The following ADCY9 variants were observed in gnomAD, a reference collection of about 807,000 sequenced individuals.
ADCY9 encodes adenylate cyclase type 9.
In ADCY9, 50 loss-of-function variants were observed where a neutral mutation model predicts 101.5. The observed-to-expected ratio is 0.49, with a 90% CI of 0.39 to 0.62. ADCY9 has a LOEUF of 0.62. ADCY9 is among the 20% of genes least tolerant of loss of function. The pLI is 0.00. For missense variants in ADCY9, 1,662 were observed against 1,800.4 expected (o/e 0.92, Z 1.39); for synonymous variants, 905 against 769.3 (o/e 1.18, Z -2.92).
intron 2 of ADCY9, among the ~76,000 whole-genome samples, chr16:4,038,196 G>A (rs991918988): frequency 1.3e-5 from 2 of 151,628 alleles, no homozygotes; most frequent in African/African-American, 4.9e-5. Flanking sequence ...TGGGGGGATC[G>A]CCTGAGCCCA....
chr16:4,021,968 T>C (rs1427384205), intron 2 of ADCY9, among the ~76,000 whole-genome samples: 2 of 152,192 alleles, frequency 1.3e-5, no homozygotes, highest in Admixed American at 6.5e-5. Context: ...ATTTGCAATG[T>C]CCTCTTTTCC....
chr16:4,071,644 G>A (rs1247422986), intron 2 of ADCY9, among the ~76,000 whole-genome samples: 1 of 152,152 alleles, frequency 6.6e-6, no homozygotes, highest in Non-Finnish European at 1.5e-5. Context: ...ACCATTGTTT[G>A]TGAGTTTTTA....
chr16:3,978,980 G>C, intron 8 of ADCY9, 136 bp downstream of exon 8: 1 of 1,111,826 alleles, frequency 9.0e-7, no homozygotes, highest in Admixed American at 2.1e-5. Context: ...CTCCCACAGT[G>C]CTGGGATTAC....
chr16:4,020,813 G>C (rs527309985), intron 2 of ADCY9, among the ~76,000 whole-genome samples: 4 of 123,754 alleles, frequency 3.2e-5, no homozygotes, highest in Non-Finnish European at 5.1e-5. Context: ...GCGACAGAGC[G>C]AGACTCCGTC....
At chr16:3,993,092 CAT>C (rs2056258904) in intron 4 of ADCY9, among the ~76,000 whole-genome samples, 1 of 152,140 alleles carries the variant, frequency 6.6e-6, no homozygotes, top group Non-Finnish European at 1.5e-5. Context: ...TATATTCTCT[CAT>C]AAACTGAGTC....
At position 3,969,614 on chromosome 16, in the gene ADCY9, T is replaced by TACGTA. The variant is rs1567414929; in HGVS notation, c.2871-2649_2871-2648insTACGT. 4.1e-3 allele frequency among the ~76,000 whole-genome samples: 208 copies of TACGTA among 50,700 alleles called. 12 individuals carry two copies. The highest frequency in any genetic ancestry group is 0.012 in the African/African-American group (156 of 12,596). The allele number at this position is 50,700 out of a possible 152,430, so 33.3% of individuals were successfully genotyped here. A position where few individuals can be genotyped will look rare whatever the true frequency, so the allele number is the denominator to read the frequency against. ...TATATATATATATATATATATGTAT[T>TACGTA]TTTTTTTTTTTTTAAGAAGAGACAG... On this transcript the variant is annotated intron_variant, in intron 10 of 10. Coordinates refer to ENST00000294016, the MANE Select transcript of ADCY9 (RefSeq NM_001116.4).
chr16:4,101,039 C>T (rs921909182), intron 2 of ADCY9, among the ~76,000 whole-genome samples: 2 of 152,172 alleles, frequency 1.3e-5, no homozygotes, highest in African/African-American at 4.8e-5. Context: ...AAGAACTTTT[C>T]TAAGAACTTG....
intron 2 of ADCY9, among the ~76,000 whole-genome samples, chr16:4,036,634 G>T (rs2056592251): frequency 6.6e-6 from 1 of 151,756 alleles, no homozygotes; most frequent in African/African-American, 2.4e-5. Flanking sequence ...GCTAATTTTT[G>T]TATTTTTAGT....
chr16:4,109,958 TCGTC>T (rs947104652), intron 2 of ADCY9, among the ~76,000 whole-genome samples: 2 of 152,008 alleles, frequency 1.3e-5, no homozygotes, highest in African/African-American at 4.8e-5. Flanking sequence ...CAACTAACAA[TCGTC>T]CGCCCCCACA....
chr16:3,956,079 A>G (rs2055904908), intron 5 of ADCY9, among the ~76,000 whole-genome samples: 1 of 151,920 alleles, frequency 6.6e-6, no homozygotes, highest in Non-Finnish European at 1.5e-5. Context: ...TTTTGTAGAA[A>G]AATTTGTAGA....
Position 4,000,321 on chromosome 16 carries a change from G to A in ADCY9, c.1885-6811C>T, listed in dbSNP as rs145855105. Reference sequence around the variant, plus strand: ...AGAGCCACACGGTACGGTCGGAACCGCGTAAAGAGGCGGTGAGCCCAGGCA... The same window carrying A: ...AGAGCCACACGGTACGGTCGGAACCACGTAAAGAGGCGGTGAGCCCAGGCA... On this transcript the variant is annotated intron_variant, in intron 3 of 10. Coordinates refer to ENST00000294016, the MANE Select transcript of ADCY9 (RefSeq NM_001116.4). 6.0e-4 allele frequency among the ~76,000 whole-genome samples: 91 copies of A among 152,180 alleles called. 1 individual carries two copies. The East Asian group carries it at 8.5e-3, about 14-fold the overall frequency.
chr16:4,003,128 C>G (rs2056342058), intron 3 of ADCY9, among the ~76,000 whole-genome samples: 1 of 152,160 alleles, frequency 6.6e-6, no homozygotes, highest in Non-Finnish European at 1.5e-5. Flanking sequence ...CAAATGCCTG[C>G]TGGAGCGCTG....
chr16:3,965,928 A>T lies in ADCY9; in HGVS notation c.3909T>A (p.Asp1303Glu), dbSNP rs777093117. 1 of 1,614,112 alleles carries T rather than the reference A, an allele frequency of 6.2e-7. No homozygotes were observed. The highest frequency in any genetic ancestry group is 8.5e-7 in the Non-Finnish European group (1 of 1,180,038). Residue 1303 changes from aspartate (D) to glutamate (E), a missense_variant, in exon 11 of 11, where the codon GAT becomes GAA. Around this residue, in one of 5 missense-constraint regions of ADCY9, gnomAD observed 168 missense variants for 155.3 expected, o/e 1.08. Coordinates refer to ENST00000294016, the MANE Select transcript of ADCY9 (RefSeq NM_001116.4). ...ACGGTCTCTTGGGGGACAGGTGGGC[A>T]TCCTTGGCCTGCGTGCTGCTGTCAG... The part of the protein sequence containing the change: ...LGSDSSTQAK[D>E]AHLSPKRPWK...
At position 4,099,525 on chromosome 16, in the gene ADCY9, A is replaced by G. The variant is rs181638107; in HGVS notation, c.1693+14225T>C. On this transcript the variant is annotated intron_variant, in intron 2 of 10. Transcript: ENST00000294016. ...CAGAATTAATGAGATTTTAATACCTATAATTTCTCAACTCTTTAAAAAGGT... is the reference window on the plus strand; with the variant it reads ...CAGAATTAATGAGATTTTAATACCTGTAATTTCTCAACTCTTTAAAAAGGT... 2.0e-3 allele frequency among the ~76,000 whole-genome samples: 298 copies of G among 152,316 alleles called. 1 individual carries two copies. The highest frequency in any genetic ancestry group is 3.1e-3 in the Admixed American group (47 of 15,298).
intron 2 of ADCY9, among the ~76,000 whole-genome samples, chr16:4,056,139 T>C (rs575354401): frequency 7.8e-4 from 119 of 152,340 alleles, no homozygotes; most frequent in Non-Finnish European, 1.4e-3. Flanking sequence ...TTCTGTGACA[T>C]CAGGATTCTT....
chr16:4,026,261 C>A (rs2056514060), intron 2 of ADCY9, among the ~76,000 whole-genome samples: 1 of 151,902 alleles, frequency 6.6e-6, no homozygotes, highest in African/African-American at 2.4e-5. Flanking sequence ...CCTGTCTCTA[C>A]TAAAAATACA....
At chr16:3,977,162 CCTA>C (rs1453033960) in intron 9 of ADCY9, among the ~76,000 whole-genome samples, 1 of 152,212 alleles carries the variant, frequency 6.6e-6, no homozygotes, top group African/African-American at 2.4e-5. Context: ...TCCTTCAGGT[CCTA>C]CTTTCTTAGA....
intron 2 of ADCY9, among the ~76,000 whole-genome samples, chr16:4,007,977 C>T (rs796074742): frequency 3.3e-5 from 5 of 152,186 alleles, no homozygotes; most frequent in East Asian, 1.9e-4. Context: ...TCAGTCTAGA[C>T]GTCATGGCAG....
chr16:3,983,571 C>A, intron 6 of ADCY9, 131 bp from the exon 7 acceptor site: 1 of 747,660 alleles, frequency 1.3e-6, no homozygotes, highest in South Asian at 1.8e-5. Context: ...GGAAGGCTCT[C>A]GGAGGGCTGT....
Sources: allele counts gnomAD v4.1 joint callset (sites outside exome capture counted in the v4.1 genomes callset), GRCh38; gene constraint gnomAD v4.1.1; regional missense constraint gnomAD v4.1.1; transcripts MANE v1.5; gene names NCBI Gene and HGNC (gene_info 2026-07-23, HGNC 2026-07-21).